The following PRR5 variants were observed in gnomAD, a reference collection of about 807,000 sequenced individuals.
The protein encoded by PRR5 is proline-rich protein 5.
Under a neutral mutation model 30.6 loss-of-function variants are expected in PRR5, and 25 were observed. The ratio of observed to expected loss-of-function variants is 0.82; its 90% CI spans 0.60 to 1.14. The LOEUF (loss-of-function observed/expected upper bound fraction) is 1.14, where lower values mean the gene tolerates loss of function less well. PRR5 is among the 50% of genes most tolerant of loss of function. The pLI is 0.00. For synonymous variants in PRR5, 286 were observed against 247.1 expected (o/e 1.16, Z -1.48); for missense variants, 600 against 547.1 (o/e 1.10, Z -0.96).
At position 44,709,199 on chromosome 22, in the gene PRR5, C is replaced by T. The variant is rs553202987; in HGVS notation, c.135-5392C>T. Among the ~76,000 whole-genome samples, 4 of 152,224 alleles carry T rather than the reference C, an allele frequency of 2.6e-5. No homozygotes were observed. The East Asian group carries it at 5.8e-4, about 22-fold the overall frequency. On this transcript the variant is annotated intron_variant, in intron 1 of 7. Coordinates refer to ENST00000336985, the MANE Select transcript of PRR5 (RefSeq NM_181333.4). ...ACCCCTGCTTGTGGCTCCCCACCAC[C>T]CCTGCCTGCTTGCTCTGGGTCCCAA...
At chr22:44,735,823 G>C (rs1479974381) in intron 7 of PRR5, among the ~76,000 whole-genome samples, 3 of 152,246 alleles carry the variant, frequency 2.0e-5, no homozygotes, top group African/African-American at 7.2e-5. Context: ...TCCTCATCCA[G>C]AGGGGCTCCC....
In PRR5 at chr22:44,691,523, G is replaced by A. The variant is rs918624286; in HGVS notation, c.-10-10969G>A. 3.3e-5 allele frequency among the ~76,000 whole-genome samples: 5 copies of A among 152,086 alleles called. No homozygotes were observed. The highest frequency in any genetic ancestry group is 4.2e-4 in the South Asian group (2 of 4,816). ...CAGCGCCCCTGCAGTTTGGGAGGCC[G>A]AGCAGTTTGGGAGGCCGAGGCGGGT... On this transcript the variant is annotated intron_variant, in intron 1 of 8. Transcript: ENST00000006251. This position sits in a 1 kb window ranked among gnomAD's most constrained non-coding sequence, Gnocchi z 4.4.
At chr22:44,709,769 T>C (rs928500139) in intron 1 of PRR5, among the ~76,000 whole-genome samples, 8 of 152,208 alleles carry the variant, frequency 5.3e-5, no homozygotes, top group South Asian at 4.1e-4. Flanking sequence ...GGAGAATCGC[T>C]TGAACCCAGG....
At chr22:44,669,907 C>T (rs1477161490) in intron 1 of PRR5, among the ~76,000 whole-genome samples, 4 of 152,286 alleles carry the variant, frequency 2.6e-5, no homozygotes, top group East Asian at 3.9e-4. Context: ...CTTCTGCACT[C>T]GGCGCAGCCT....
At chr22:44,715,183 C>G (rs1263092502) in intron 2 of PRR5, among the ~76,000 whole-genome samples, 1 of 152,122 alleles carries the variant, frequency 6.6e-6, no homozygotes, top group Non-Finnish European at 1.5e-5. Flanking sequence ...AGCTGCTGCC[C>G]CAAGCCAGGT....
chr22:44,680,870 C>A (rs1924214666), intron 1 of PRR5, among the ~76,000 whole-genome samples: 1 of 152,162 alleles, frequency 6.6e-6, no homozygotes, highest in Admixed American at 6.5e-5. Flanking sequence ...GATTTGAGAA[C>A]CTGGGGCAGG....
At chr22:44,684,043 G>A (rs1001615706) in intron 1 of PRR5, among the ~76,000 whole-genome samples, 2 of 152,202 alleles carry the variant, frequency 1.3e-5, no homozygotes, top group Non-Finnish European at 2.9e-5. Flanking sequence ...TGGGGGTGTC[G>A]AAACCAGGAC....
At chr22:44,716,147 G>A (rs779133723) in intron 2 of PRR5, among the ~76,000 whole-genome samples, 2 of 152,176 alleles carry the variant, frequency 1.3e-5, no homozygotes, top group Admixed American at 6.5e-5. Flanking sequence ...TGTGCTGGGG[G>A]TGGGGGCACA....
chr22:44,701,116 A>G (rs1210987597), upstream of PRR5, among the ~76,000 whole-genome samples: 3 of 152,192 alleles, frequency 2.0e-5, no homozygotes, highest in Admixed American at 6.5e-5. Flanking sequence ...TCCTGACCTC[A>G]GGTGATCCTC....
chr22:44,670,538 G>A (rs136913), intron 1 of PRR5, among the ~76,000 whole-genome samples: 85,406 of 152,102 alleles, frequency 0.56, 25,293 homozygotes, highest in African/African-American at 0.75. Context: ...GGTACCCCAC[G>A]TCGCAAGCAC....
At position 44,735,020 on chromosome 22, in the gene PRR5, C is replaced by A. The variant is rs200450242; in HGVS notation, c.556-7C>A. ...GACCCCCTACCCCCTGCCCCACTCT[C>A]CTGCAGGGGGTACATGAGTCCAGGG... On this transcript the variant is annotated splice_polypyrimidine_tract_variant and splice_region_variant and intron_variant, in intron 6 of 7. Coordinates refer to ENST00000336985, the MANE Select transcript of PRR5 (RefSeq NM_181333.4). The A allele has an allele frequency of 6.9e-5, 111 of 1,611,552 alleles. No individual in the cohort carries two copies. The highest frequency in any genetic ancestry group is 1.8e-4 in the Admixed American group (11 of 59,970).
rs533867125 is a variant in PRR5, at chr22:44,726,699, TG to T, written c.322+68del. ...GGGTCCTGGCTGGCTGCTGGACTGCTGGGCCTCGTGCTGGGGGCCTCTGGGT... is the reference window on the plus strand; with the variant it reads ...GGGTCCTGGCTGGCTGCTGGACTGCTGGCCTCGTGCTGGGGGCCTCTGGGT... On this transcript the variant is annotated intron_variant, in intron 4 of 7. Transcript: ENST00000336985. 1.0e-4 allele frequency: 165 copies of T among 1,611,226 alleles called. No homozygotes were observed. The African/African-American group carries it at 2.1e-3, about 21-fold the overall frequency.
chr22:44,676,630 G>C (rs1040300003), upstream of PRR5, among the ~76,000 whole-genome samples: 1 of 151,900 alleles, frequency 6.6e-6, no homozygotes, highest in African/African-American at 2.4e-5. Context: ...GAGGAGGAGG[G>C]GGGCTGTCCA....
At chr22:44,729,601 G>A (rs535829188) in intron 4 of PRR5, 165 of 985,424 alleles carry the variant, frequency 1.7e-4, no homozygotes, top group Non-Finnish European at 1.9e-4. Context: ...CACTGAGTCC[G>A]CCTGGAGGAA....
intron 2 of PRR5, among the ~76,000 whole-genome samples, chr22:44,722,951 G>A (rs987941020): frequency 6.6e-6 from 1 of 151,954 alleles, no homozygotes; most frequent in African/African-American, 2.4e-5. Context: ...AAACCACGGG[G>A]AAAATGACAA....
At chr22:44,669,788 G>A (rs1211509475) in intron 1 of PRR5, among the ~76,000 whole-genome samples, 1 of 152,134 alleles carries the variant, frequency 6.6e-6, no homozygotes, top group Non-Finnish European at 1.5e-5. Flanking sequence ...ACCGTGTGGG[G>A]TGGCCTAGCT....
intron 5 of PRR5, 76 bp downstream of exon 5, chr22:44,731,897 G>A (rs535087990): frequency 2.7e-6 from 4 of 1,461,822 alleles, no homozygotes; most frequent in African/African-American, 2.8e-5. Context: ...ACAGAGGGGG[G>A]CCGCCAGGCT....
At chr22:44,671,708 G>A (rs548482064) in intron 1 of PRR5, among the ~76,000 whole-genome samples, 11 of 152,352 alleles carry the variant, frequency 7.2e-5, no homozygotes, top group Admixed American at 1.3e-4. Flanking sequence ...TTAGGCGACT[G>A]AGGGGGTGGG....
chr22:44,711,091 C>T (rs527657888), intron 1 of PRR5, among the ~76,000 whole-genome samples: 2 of 152,154 alleles, frequency 1.3e-5, no homozygotes, highest in South Asian at 4.2e-4. Flanking sequence ...ACACCCAGGG[C>T]GAGGAGCCCA....
Sources: gnomAD v4.1 joint callset for allele counts (sites outside exome capture counted in the v4.1 genomes callset) on GRCh38, gnomAD v4.1.1 for gene constraint, Gnocchi (gnomAD v3.1) non-coding constraint, MANE v1.5 for transcripts, NCBI Gene and HGNC (gene_info 2026-07-23, HGNC 2026-07-21) for gene names.